The following UNC5D variants were observed in gnomAD, a reference collection of about 807,000 sequenced individuals.
UNC5D encodes the protein unc-5 netrin receptor D.
UNC5D carries 39 observed loss-of-function variants against 105.4 expected under a neutral mutation model. That is an observed-to-expected ratio of 0.37 (90% CI 0.29 to 0.48). UNC5D has a LOEUF of 0.48. Among genes scored for constraint, UNC5D ranks in the 20% least tolerant of loss-of-function variants. The pLI is 0.98. For synonymous variants in UNC5D, 452 were observed against 450.4 expected (o/e 1.00, Z -0.04); for missense variants, 991 against 1,202.4 (o/e 0.82, Z 2.60).
intron 4 of UNC5D, among the ~76,000 whole-genome samples, chr8:35,642,571 A>C (rs1009262610): frequency 2.6e-5 from 4 of 152,040 alleles, no homozygotes; most frequent in Non-Finnish European, 5.9e-5. Flanking sequence ...ACCGAGTTGC[A>C]CTGGCCATGG....
intron 1 of UNC5D, among the ~76,000 whole-genome samples, chr8:35,441,852 TAAG>T (rs1467207634): frequency 1.3e-5 from 2 of 151,694 alleles, no homozygotes; most frequent in African/African-American, 2.4e-5. Context: ...ATTCATCTAA[TAAG>T]AAGCGGGACA....
At chr8:35,436,318 T>C (rs1807011737) in intron 1 of UNC5D, among the ~76,000 whole-genome samples, 1 of 152,110 alleles carries the variant, frequency 6.6e-6, no homozygotes, top group Non-Finnish European at 1.5e-5. Flanking sequence ...TTTTAAATGT[T>C]TGAAGATGTT....
chr8:35,638,225 C>T (rs1050238350), intron 4 of UNC5D, among the ~76,000 whole-genome samples: 2 of 152,032 alleles, frequency 1.3e-5, no homozygotes, highest in Non-Finnish European at 1.5e-5. Context: ...GAAATCATTA[C>T]GCATAGTAAC....
intron 4 of UNC5D, among the ~76,000 whole-genome samples, chr8:35,677,810 A>T (rs1825353506): frequency 1.3e-5 from 2 of 151,898 alleles, no homozygotes; most frequent in South Asian, 4.2e-4. Flanking sequence ...TGGGGTCTGT[A>T]TATATGTAAA....
At chr8:35,774,515 G>C in intron 16 of UNC5D, 38 bp downstream of exon 16, 2 of 1,607,814 alleles carry the variant, frequency 1.2e-6, no homozygotes, top group Non-Finnish European at 1.7e-6. Flanking sequence ...ATGTTACTAA[G>C]AGAACTTGGA....
intron 11 of UNC5D, among the ~76,000 whole-genome samples, chr8:35,745,768 G>GACCACACT (rs1339328313): frequency 1.3e-5 from 2 of 152,168 alleles, no homozygotes; most frequent in Non-Finnish European, 2.9e-5. Flanking sequence ...TCAGTCTACA[G>GACCACACT]ACCACACTAG....
chr8:35,517,177 C>T (rs1813152007), intron 1 of UNC5D, among the ~76,000 whole-genome samples: 1 of 152,164 alleles, frequency 6.6e-6, no homozygotes, highest in Non-Finnish European at 1.5e-5. Flanking sequence ...CCCAAAGCCA[C>T]ATATACTGCC....
chr8:35,252,029 T>G (rs1803736990), intron 1 of UNC5D, among the ~76,000 whole-genome samples: 2 of 146,954 alleles, frequency 1.4e-5, no homozygotes, highest in Admixed American at 1.4e-4. Context: ...CTTTTTTTTT[T>G]TTTTTTTTTT....
At chr8:35,696,096 C>T (rs180980642) in intron 7 of UNC5D, among the ~76,000 whole-genome samples, 120 of 151,990 alleles carry the variant, frequency 7.9e-4, no homozygotes, top group Admixed American at 2.7e-3. Flanking sequence ...TCAGGAGAAA[C>T]GAAATCCAAC....
At chr8:35,672,787 T>C (rs1425355111) in intron 4 of UNC5D, among the ~76,000 whole-genome samples, 2 of 152,248 alleles carry the variant, frequency 1.3e-5, no homozygotes, top group Middle Eastern at 3.4e-3. Context: ...CAGTAAACAG[T>C]GGATGAGGAT....
intron 1 of UNC5D, among the ~76,000 whole-genome samples, chr8:35,429,869 A>G (rs1806507220): frequency 6.6e-6 from 1 of 151,970 alleles, no homozygotes; most frequent in African/African-American, 2.4e-5. Context: ...CCCCAAAACC[A>G]TTTTCTCGAA....
rs1487560874 is a variant in UNC5D, at chr8:35,737,295, TG to T, written c.1766+6200del. Among the ~76,000 whole-genome samples the T allele has an allele frequency of 3.3e-3, 497 of 148,544 alleles. 2 individuals carry two copies. The highest frequency in any genetic ancestry group is 9.1e-3 in the African/African-American group (355 of 39,166). On this transcript the variant is annotated intron_variant, in intron 11 of 16. Coordinates refer to ENST00000404895, the MANE Select transcript of UNC5D (RefSeq NM_080872.4). ...GTGTGTGTGTGTGTGTGTGTGTGTGTGTGTGTTAATGTGTGATGAAGGAATT... is the reference window on the plus strand; with the variant it reads ...GTGTGTGTGTGTGTGTGTGTGTGTGTTGTGTTAATGTGTGATGAAGGAATT...
At chr8:35,524,571 T>A (rs1237761627) in intron 1 of UNC5D, among the ~76,000 whole-genome samples, 1 of 141,086 alleles carries the variant, frequency 7.1e-6, no homozygotes, top group Non-Finnish European at 1.5e-5. Context: ...TAGAGAACAT[T>A]TTAATATATA....
At chr8:35,585,399 G>A (rs1162470040) in intron 3 of UNC5D, among the ~76,000 whole-genome samples, 1 of 152,148 alleles carries the variant, frequency 6.6e-6, no homozygotes, top group Non-Finnish European at 1.5e-5. Flanking sequence ...GGGTGATTCA[G>A]TGGCGTCCGT....
At chr8:35,351,790 A>T (rs911314730) in intron 1 of UNC5D, among the ~76,000 whole-genome samples, 3 of 152,188 alleles carry the variant, frequency 2.0e-5, no homozygotes, top group African/African-American at 7.2e-5. Context: ...AAAGTTATTG[A>T]TAATAAATGC....
chr8:35,407,826 T>G (rs375263214), intron 1 of UNC5D, among the ~76,000 whole-genome samples: 1 of 152,114 alleles, frequency 6.6e-6, no homozygotes, highest in Non-Finnish European at 1.5e-5. Context: ...TTGCTAAGGA[T>G]AATGGCCTCC....
chr8:35,353,720 T>C (rs1431401909), intron 1 of UNC5D, among the ~76,000 whole-genome samples: 1 of 152,092 alleles, frequency 6.6e-6, no homozygotes, highest in Non-Finnish European at 1.5e-5. Flanking sequence ...TGTGCATTAA[T>C]ATTGAAAAAA....
At chr8:35,326,084 A>G (rs1170575475) in intron 1 of UNC5D, among the ~76,000 whole-genome samples, 1 of 152,212 alleles carries the variant, frequency 6.6e-6, no homozygotes, top group Non-Finnish European at 1.5e-5. Flanking sequence ...ACTCCATATA[A>G]TGAATACTTT....
intron 1 of UNC5D, among the ~76,000 whole-genome samples, chr8:35,393,194 G>A (rs1469334385): frequency 7.2e-6 from 1 of 138,208 alleles, no homozygotes; most frequent in Non-Finnish European, 1.5e-5. Flanking sequence ...GTGCAGTGGC[G>A]CAATCTCGGC....
Sources: gnomAD v4.1 joint callset for allele counts (sites outside exome capture counted in the v4.1 genomes callset) on GRCh38, gnomAD v4.1.1 for gene constraint, MANE v1.5 for transcripts, NCBI Gene and HGNC (gene_info 2026-07-23, HGNC 2026-07-21) for gene names.